The following ZNF827 variants were observed in gnomAD, a reference collection of about 807,000 sequenced individuals.
ZNF827 encodes the protein zinc finger protein 827.
In ZNF827, 13 loss-of-function variants were observed where a neutral mutation model predicts 102.4. The observed-to-expected ratio is 0.13, with a 90% CI of 0.08 to 0.20. The LOEUF is 0.20. Ranked by LOEUF, ZNF827 falls within the 10% of genes least tolerant of loss-of-function variation. The pLI is 1.00. For missense variants in ZNF827, 1,103 were observed against 1,344.4 expected (o/e 0.82, Z 2.81); for synonymous variants, 523 against 536.2 (o/e 0.98, Z 0.34).
rs1734793160 is a variant in ZNF827, at chr4:145,763,197, C to T, written c.3231-75G>A. The T allele has an allele frequency of 6.9e-7, 1 of 1,455,574 alleles. No individual in the cohort carries two copies. The highest frequency in any genetic ancestry group is 2.1e-5 in the Admixed American group (1 of 46,590). 90.2% of individuals were successfully genotyped at this position (1,455,574 alleles called of 1,614,324 possible). On this transcript the variant is annotated intron_variant, in intron 13 of 14. Coordinates refer to ENST00000508784, the MANE Select transcript of ZNF827 (RefSeq NM_001306215.2). The surrounding 1 kb of genome is among the most constrained non-coding windows in gnomAD (Gnocchi z 4.6). ...AACAGGATATAGAGTACAAGCAGTT[C>T]CATCACAGAAAAGCAATTTAGACAT... is the stretch of plus-strand genomic sequence containing the variant.
intron 4 of ZNF827, among the ~76,000 whole-genome samples, chr4:145,884,181 C>T (rs930598840): frequency 1.3e-5 from 2 of 152,146 alleles, no homozygotes; most frequent in African/African-American, 2.4e-5. Context: ...TTACATTCCC[C>T]GCTCTTTGCC....
intron 8 of ZNF827, among the ~76,000 whole-genome samples, chr4:145,788,233 T>G (rs1019043364): frequency 5.3e-5 from 8 of 152,238 alleles, no homozygotes; most frequent in African/African-American, 1.9e-4. Flanking sequence ...TAAAGAACTG[T>G]GTTTCTATAT....
At chr4:145,836,330 C>T (rs1316561870) in intron 7 of ZNF827, among the ~76,000 whole-genome samples, 2 of 152,134 alleles carry the variant, frequency 1.3e-5, no homozygotes, top group Non-Finnish European at 2.9e-5. Context: ...GGACCACACC[C>T]TGTAGCCTTT....
At position 145,892,424 on chromosome 4, in the gene ZNF827, A is replaced by G; in HGVS notation, c.1094-9T>C. ...ACTTTCCTCTTCTGAGGCTTGGAAG[A>G]AGGAGAAAGAAAGGACCATTAAGGA... is the stretch of plus-strand genomic sequence containing the variant. On this transcript the variant is annotated splice_polypyrimidine_tract_variant and intron_variant, in intron 2 of 14. Coordinates refer to ENST00000508784, the MANE Select transcript of ZNF827 (RefSeq NM_001306215.2). 1 of 1,607,272 alleles carries G rather than the reference A, an allele frequency of 6.2e-7. No individual in the cohort carries two copies. Among genetic ancestry groups the G allele is most frequent in the East Asian group, 2.2e-5 (1 of 44,766 alleles).
intron 1 of ZNF827, among the ~76,000 whole-genome samples, chr4:145,913,552 A>G (rs1752454362): frequency 6.6e-6 from 1 of 152,158 alleles, no homozygotes; most frequent in African/African-American, 2.4e-5. Flanking sequence ...CAAATTAATA[A>G]CAAAATTTTT....
At chr4:145,846,461 G>C (rs1745954624) in intron 6 of ZNF827, among the ~76,000 whole-genome samples, 1 of 149,194 alleles carries the variant, frequency 6.7e-6, no homozygotes, top group African/African-American at 2.5e-5. Flanking sequence ...CTGAGCAACA[G>C]AGCAAGACTC....
intron 4 of ZNF827, among the ~76,000 whole-genome samples, chr4:145,881,584 A>C (rs1027241790): frequency 5.3e-5 from 8 of 152,204 alleles, no homozygotes; most frequent in African/African-American, 1.7e-4. Context: ...CCGTTGCTGC[A>C]GGCAACTTTT....
intron 8 of ZNF827, among the ~76,000 whole-genome samples, chr4:145,814,769 C>CAAAAAAA (rs773438540): frequency 9.4e-5 from 7 of 74,346 alleles, no homozygotes; most frequent in Non-Finnish European, 9.1e-5. Context: ...ACTAAAAATA[C>CAAAAAAA]AAAAAAAAAA....
intron 8 of ZNF827, among the ~76,000 whole-genome samples, chr4:145,807,774 TA>T (rs146780172): frequency 1.0e-3 from 114 of 111,940 alleles, no homozygotes; most frequent in South Asian, 2.5e-3. Context: ...CAGGCTGCTT[TA>T]AAAAAAAAAA....
chr4:145,780,862 A>G (rs1737868665), intron 8 of ZNF827, among the ~76,000 whole-genome samples: 1 of 152,230 alleles, frequency 6.6e-6, no homozygotes, highest in African/African-American at 2.4e-5. Flanking sequence ...CCATGTGGTG[A>G]TAATTGAATG....
chr4:145,884,314 G>C (rs945065268), intron 4 of ZNF827, among the ~76,000 whole-genome samples: 1 of 152,140 alleles, frequency 6.6e-6, no homozygotes. Flanking sequence ...CAAAAGACCC[G>C]ACTGAAGTGT....
chr4:145,785,459 A>G (rs1229219544), intron 8 of ZNF827, among the ~76,000 whole-genome samples: 1 of 152,172 alleles, frequency 6.6e-6, no homozygotes, highest in African/African-American at 2.4e-5. Context: ...GCACTCAGTT[A>G]TCTTCAGATC....
intron 1 of ZNF827, among the ~76,000 whole-genome samples, chr4:145,934,725 G>A (rs997592764): frequency 6.6e-6 from 1 of 152,212 alleles, no homozygotes; most frequent in South Asian, 2.1e-4. Flanking sequence ...GATCCAGACT[G>A]TGTCTGGCTA....
chr4:145,902,408 A>G lies in ZNF827; in HGVS notation c.851T>C (p.Met284Thr), dbSNP rs367884620. 1 of 1,614,208 alleles carries G rather than the reference A, an allele frequency of 6.2e-7. No individual in the cohort carries two copies. Among genetic ancestry groups the G allele is most frequent in the Non-Finnish European group, 8.5e-7 (1 of 1,180,040 alleles). The change falls in exon 2 of 15, where the codon ATG becomes ACG. Residue 284 changes from methionine (M) to threonine (T), a missense_variant. Transcript: ENST00000508784. The surrounding 1 kb of genome is among the most constrained non-coding windows in gnomAD (Gnocchi z 4.3). ...PASSFLSLAS[M>T]TSSAALLKEV... ...CTTCAGAAGGGCCGCTGAGGAGGTCATAGAAGCCAGGGAAAGGAAGGAGCT... is the reference window on the plus strand; with the variant it reads ...CTTCAGAAGGGCCGCTGAGGAGGTCGTAGAAGCCAGGGAAAGGAAGGAGCT...
At chr4:145,796,882 C>G (rs868311054) in intron 8 of ZNF827, among the ~76,000 whole-genome samples, 22 of 152,156 alleles carry the variant, frequency 1.4e-4, no homozygotes, top group African/African-American at 5.1e-4. Context: ...CCACCAGCCT[C>G]GGCCTCCCAA....
intron 4 of ZNF827, among the ~76,000 whole-genome samples, chr4:145,885,211 T>C (rs1207957208): frequency 1.3e-5 from 2 of 152,150 alleles, no homozygotes; most frequent in Non-Finnish European, 2.9e-5. Flanking sequence ...CTATAATTCC[T>C]AATAGTAGTC....
At chr4:145,883,838 T>A (rs1339107675) in intron 4 of ZNF827, among the ~76,000 whole-genome samples, 1 of 151,948 alleles carries the variant, frequency 6.6e-6, no homozygotes, top group Non-Finnish European at 1.5e-5. Flanking sequence ...TAAGGGCCCA[T>A]AAAAGGAGCC....
intron 1 of ZNF827, among the ~76,000 whole-genome samples, chr4:145,905,356 A>G (rs1237239076): frequency 6.6e-6 from 1 of 152,210 alleles, no homozygotes; most frequent in East Asian, 1.9e-4. Context: ...CTATTTAGAG[A>G]AGAAATGTCA....
intron 8 of ZNF827, among the ~76,000 whole-genome samples, chr4:145,817,191 C>T (rs1347973443): frequency 1.3e-5 from 2 of 152,210 alleles, no homozygotes; most frequent in Admixed American, 6.5e-5. Context: ...CTCCCCAGTA[C>T]TGTGTCTTTC....
Sources: allele counts gnomAD v4.1 joint callset (sites outside exome capture counted in the v4.1 genomes callset), GRCh38; gene constraint gnomAD v4.1.1; non-coding constraint Gnocchi (gnomAD v3.1); transcripts MANE v1.5; gene names NCBI Gene and HGNC (gene_info 2026-07-23, HGNC 2026-07-21).